The following RUBCN variants were observed in gnomAD, a reference collection of about 807,000 sequenced individuals.
The protein encoded by RUBCN is rubicon autophagy regulator.
A neutral mutation model predicts 113.2 loss-of-function variants in RUBCN; 74 were observed. The ratio of observed to expected loss-of-function variants is 0.65; its 90% CI spans 0.54 to 0.79. The LOEUF (loss-of-function observed/expected upper bound fraction) is 0.79, where lower values mean the gene tolerates loss of function less well. Ranked by LOEUF, RUBCN falls within the 30% of genes least tolerant of loss-of-function variation. RUBCN has a pLI of 0.00. For synonymous variants in RUBCN, 480 were observed against 490.0 expected (o/e 0.98, Z 0.27); for missense variants, 1,109 against 1,251.7 (o/e 0.89, Z 1.72).
chr3:197,693,564 G>T, intron 11 of RUBCN, 151 bp downstream of exon 11: 1 of 648,040 alleles, frequency 1.5e-6, no homozygotes. Context: ...AACTGTGAAG[G>T]GGTTTTGTTT....
chr3:197,717,271 G>C (rs952943653), intron 2 of RUBCN, among the ~76,000 whole-genome samples: 1 of 151,764 alleles, frequency 6.6e-6, no homozygotes, highest in Non-Finnish European at 1.5e-5. Context: ...GTGAAACCCC[G>C]TCTCTACTAA....
At chr3:197,686,517 G>A (rs1358958304) in intron 11 of RUBCN, among the ~76,000 whole-genome samples, 5 of 152,210 alleles carry the variant, frequency 3.3e-5, no homozygotes, top group African/African-American at 7.2e-5. Context: ...GCAGCTCTGC[G>A]GGTCCTGGGC....
Position 197,677,024 on chromosome 3 carries a change from A to G in RUBCN, c.2507T>C (p.Phe836Ser), listed in dbSNP as rs867846560. 2 of 1,613,668 alleles carry G rather than the reference A, an allele frequency of 1.2e-6. No homozygotes were observed. Among genetic ancestry groups the G allele is most frequent in the Non-Finnish European group, 1.7e-6 (2 of 1,180,016 alleles). Reference protein sequence around the residue: ...CRLAKELLDSFDTVPGHLTED... With the variant: ...CRLAKELLDSSDTVPGHLTED... ...TGTCAGGTGGCCTGGGACTGTGTCA[A>G]AGGAATCCAGAAGCCTACAGGGAGT... Residue 836 changes from phenylalanine (F) to serine (S), a missense_variant, in exon 18 of 20, where the codon TTT becomes TCT. Transcript: ENST00000296343.
chr3:197,704,623 G>A lies in RUBCN; in HGVS notation c.382C>T (p.His128Tyr). ...ERAVAELWLQ[H>Y]SLQYHCLSAQ... ...GAGAGGCAGTGGTACTGCAGGCTGT[G>A]CTGCAGCCACAGCTCGGCAACAGCA... The change falls in exon 4 of 20, where the codon CAC becomes TAC. Residue 128 changes from histidine to tyrosine, a missense_variant. His to Tyr is a moderately conservative substitution (Grantham distance 83). Coordinates refer to ENST00000296343, the MANE Select transcript of RUBCN (RefSeq NM_014687.4). The A allele has an allele frequency of 6.2e-7, 1 of 1,614,008 alleles. No homozygotes were observed. Among genetic ancestry groups the A allele is most frequent in the Non-Finnish European group, 8.5e-7 (1 of 1,179,856 alleles).
Position 197,721,001 on chromosome 3 carries a change from G to A in RUBCN, c.66-2871C>T, listed in dbSNP as rs984569377. Among the ~76,000 whole-genome samples the A allele has an allele frequency of 7.2e-5, 11 of 151,898 alleles. No homozygotes were observed. The South Asian group carries it at 2.1e-3, about 29-fold the overall frequency. On this transcript the variant is annotated intron_variant, in intron 1 of 19. Coordinates refer to ENST00000296343, the MANE Select transcript of RUBCN (RefSeq NM_014687.4). ...TTCTGATTTTTTTTTAATGTGCAGC[G>A]ATTAGATTTGGTTTGCTAGTATTTT...
At chr3:197,679,244 C>G (rs1195127930) in intron 16 of RUBCN, among the ~76,000 whole-genome samples, 1 of 151,360 alleles carries the variant, frequency 6.6e-6, no homozygotes, top group African/African-American at 2.4e-5. Flanking sequence ...TGGCTTCAGA[C>G]TGTCCTACGC....
intron 11 of RUBCN, among the ~76,000 whole-genome samples, chr3:197,689,951 G>GC (rs1722246412): frequency 6.6e-6 from 1 of 151,872 alleles, no homozygotes; most frequent in African/African-American, 2.4e-5. Context: ...CTCTCTTTAC[G>GC]CCCCAACCCA....
exon 1 of RUBCN, chr3:197,749,375 C>T (rs1728902961): frequency 8.5e-7 from 1 of 1,176,144 alleles, no homozygotes; most frequent in Non-Finnish European, 1.1e-6. Flanking sequence ...TTAGCATTTA[C>T]TTTGGAGTTA....
At chr3:197,676,098 T>C (rs1481464895) in intron 18 of RUBCN, 11 of 699,188 alleles carry the variant, frequency 1.6e-5, no homozygotes, top group Non-Finnish European at 1.8e-5. Context: ...GACGTGCGTT[T>C]GAGGAATACA....
At chr3:197,741,513 T>A (rs145939039), upstream of RUBCN, among the ~76,000 whole-genome samples, 3 of 152,316 alleles carry the variant, frequency 2.0e-5, no homozygotes, top group East Asian at 5.8e-4. Flanking sequence ...CTCTAAGCAC[T>A]TAGTAGTGGT....
chr3:197,678,657 G>C (rs1444113710), intron 16 of RUBCN, among the ~76,000 whole-genome samples: 4 of 149,764 alleles, frequency 2.7e-5, no homozygotes, highest in African/African-American at 9.9e-5. Context: ...CTGACAACTG[G>C]CTTCAGATTG....
intron 1 of RUBCN, among the ~76,000 whole-genome samples, chr3:197,728,755 T>TA (rs1213993060): frequency 1.2e-4 from 19 of 152,182 alleles, no homozygotes; most frequent in African/African-American, 4.6e-4. Context: ...AATGGACACT[T>TA]ACATAACCAT....
At chr3:197,676,862 A>C (rs758947600) in intron 18 of RUBCN, 23 bp downstream of exon 18, 17 of 1,614,128 alleles carry the variant, frequency 1.1e-5, no homozygotes, top group Non-Finnish European at 1.4e-5. Context: ...GCTCAGCTGC[A>C]TGCTACAGTG....
chr3:197,674,856 GCACA>G lies in RUBCN; in HGVS notation c.*158_*161del. ...CCCATCAACCTGCCGACGGCTGACTGCACACAGACGTCAGACAAGTCAGTAAAAA... is the reference window on the plus strand; with the variant it reads ...CCCATCAACCTGCCGACGGCTGACTGCAGACGTCAGACAAGTCAGTAAAAA... On this transcript the variant is annotated 3_prime_UTR_variant, in exon 20 of 20. Transcript: ENST00000296343. 2.2e-5 allele frequency: 13 copies of G among 602,748 alleles called. No homozygotes were observed. The highest frequency in any genetic ancestry group is 7.5e-5 in the Admixed American group (2 of 26,578). 37.3% of individuals were successfully genotyped at this position (602,748 alleles called of 1,614,324 possible).
intron 2 of RUBCN, among the ~76,000 whole-genome samples, chr3:197,714,970 A>ATT (rs1183988417): frequency 6.6e-6 from 1 of 152,202 alleles, no homozygotes; most frequent in African/African-American, 2.4e-5. Context: ...CTCAAAGCTG[A>ATT]TTATAGAGTT....
intron 1 of RUBCN, among the ~76,000 whole-genome samples, chr3:197,725,017 A>G (rs1726581148): frequency 6.6e-6 from 1 of 152,148 alleles, no homozygotes; most frequent in Non-Finnish European, 1.5e-5. Flanking sequence ...CGTCTCTACA[A>G]AAAAACTAAA....
intron 2 of RUBCN, among the ~76,000 whole-genome samples, chr3:197,713,449 T>C (rs1253511453): frequency 6.6e-6 from 1 of 152,210 alleles, no homozygotes; most frequent in Non-Finnish European, 1.5e-5. Flanking sequence ...AAACTTGCAC[T>C]GAGTTTCTGT....
At chr3:197,736,973 G>A (rs572064243), upstream of RUBCN, 6 of 1,271,968 alleles carry the variant, frequency 4.7e-6, no homozygotes, top group African/African-American at 4.7e-5. Flanking sequence ...CCCGCAGGAC[G>A]CGTCCTCCAA....
At position 197,736,671 on chromosome 3, in the gene RUBCN, G is replaced by A. The variant is rs576156403; in HGVS notation, c.49C>T (p.Leu17=). The A allele has an allele frequency of 1.0e-5, 16 of 1,532,454 alleles. No individual in the cohort carries two copies. In the East Asian group the frequency reaches 1.5e-4, roughly 14 times the overall value. The allele number at this position is 1,532,454 out of a possible 1,614,324, so 94.9% of individuals were successfully genotyped here. A position where few individuals can be genotyped will look rare whatever the true frequency, so the allele number is the denominator to read the frequency against. Residue 17 remains leucine, a synonymous_variant, in exon 1 of 20, where the codon CTG becomes TTG. Transcript: ENST00000296343. ...CCAGCCCACCTGCTCTCCTCAGGCA[G>A]GCGCTCCTCGCCGCCTCCGAGCTCC... is the stretch of plus-strand genomic sequence containing the variant. ...GMELGGGEER[L]PEESRREHWQ...
Sources: allele counts gnomAD v4.1 joint callset (sites outside exome capture counted in the v4.1 genomes callset), GRCh38; gene constraint gnomAD v4.1.1; transcripts MANE v1.5; gene names NCBI Gene and HGNC (gene_info 2026-07-23, HGNC 2026-07-21).